Variants in FAM13A observed in about 807,000 individuals in gnomAD.
FAM13A encodes the protein protein FAM13A.
FAM13A carries 76 observed loss-of-function variants against 129.6 expected under a neutral mutation model. The observed-to-expected ratio is 0.59, with a 90% CI of 0.49 to 0.71. The LOEUF is 0.71. FAM13A is among the 30% of genes least tolerant of loss of function. The pLI is 0.00. For missense variants in FAM13A, 1,108 were observed against 1,249.3 expected, an observed-to-expected ratio of 0.89 and a Z score of 1.70; for synonymous variants, 443 against 449.9, an observed-to-expected ratio of 0.98 and a Z score of 0.20.
chr4:88,766,233 A>T (rs1208171887), intron 13 of FAM13A, among the ~76,000 whole-genome samples: 1 of 152,244 alleles, frequency 6.6e-6, no homozygotes, highest in Non-Finnish European at 1.5e-5. Flanking sequence ...GAGCAGAGGA[A>T]GATGGCAGTG....
At chr4:88,990,010 C>T (rs944632803) in intron 4 of FAM13A, 11 of 152,088 alleles carry the variant, frequency 7.2e-5, no homozygotes, top group African/African-American at 2.2e-4. Flanking sequence ...ATTAGTGGAT[C>T]CTGCATCTGA....
chr4:88,818,140 C>T (rs1046430552), intron 7 of FAM13A, among the ~76,000 whole-genome samples: 1 of 137,764 alleles, frequency 7.3e-6, no homozygotes, highest in East Asian at 2.3e-4. Context: ...CATGCCAGCA[C>T]GCCCAGATAA....
At chr4:89,015,132 G>A (rs1766301827) in intron 3 of FAM13A, among the ~76,000 whole-genome samples, 2 of 152,216 alleles carry the variant, frequency 1.3e-5, no homozygotes, top group South Asian at 4.1e-4. Flanking sequence ...CTATTAGGAC[G>A]AGGAAATTTT....
At chr4:88,759,185 G>C (rs1047818208) in intron 13 of FAM13A, 1 of 324,662 alleles carries the variant, frequency 3.1e-6, no homozygotes, top group African/African-American at 2.1e-5. Flanking sequence ...CCAGGAATGA[G>C]GGAAAGGAGT....
chr4:88,764,520 C>T (rs1745380237), intron 13 of FAM13A, among the ~76,000 whole-genome samples: 1 of 152,040 alleles, frequency 6.6e-6, no homozygotes, highest in Non-Finnish European at 1.5e-5. Context: ...GCATAAACTC[C>T]CTTGGAAACA....
At position 88,726,381 on chromosome 4, in the gene FAM13A, G is replaced by GTT. The variant is rs1736479064; in HGVS notation, c.*2150_*2151dup. 1 of 148,600 alleles carries GTT rather than the reference G, an allele frequency of 6.7e-6. No individual in the cohort carries two copies. Among genetic ancestry groups the GTT allele is most frequent in the Non-Finnish European group, 1.5e-5 (1 of 67,318 alleles). 9.2% of individuals were successfully genotyped at this position (148,600 alleles called of 1,614,324 possible). A position where few individuals can be genotyped will look rare whatever the true frequency, so the allele number is the denominator to read the frequency against. On this transcript the variant is annotated 3_prime_UTR_variant, in exon 24 of 24. Coordinates refer to ENST00000264344, the MANE Select transcript of FAM13A (RefSeq NM_014883.4). ...ATTTATTTTATATAACTTACTTGGT[G>GTT]TTTTCTTTTATTGAATCATACAAAT...
At chr4:88,912,875 G>A (rs1228414695) in intron 5 of FAM13A, among the ~76,000 whole-genome samples, 1 of 152,120 alleles carries the variant, frequency 6.6e-6, no homozygotes, top group African/African-American at 2.4e-5. Flanking sequence ...TAGATACTCA[G>A]GAGGCTGAGG....
chr4:88,981,826 T>G (rs1483071262), intron 4 of FAM13A, among the ~76,000 whole-genome samples: 5 of 151,994 alleles, frequency 3.3e-5, no homozygotes, highest in Non-Finnish European at 7.4e-5. Context: ...AAGAAATGTG[T>G]TCCATGGGAA....
chr4:89,021,559 T>G (rs991833777), intron 2 of FAM13A, among the ~76,000 whole-genome samples: 1 of 152,042 alleles, frequency 6.6e-6, no homozygotes, highest in African/African-American at 2.4e-5. Context: ...GGTCAAAGAA[T>G]GATGGGATAA....
At chr4:89,056,789 A>T in intron 1 of FAM13A, 149 bp downstream of exon 1, 1 of 743,000 alleles carries the variant, frequency 1.3e-6, no homozygotes, top group Non-Finnish European at 2.2e-6. Context: ...ATACCCATTT[A>T]AGTAGATAGG....
chr4:88,897,650 T>C (rs1746581148), intron 6 of FAM13A, among the ~76,000 whole-genome samples: 1 of 152,130 alleles, frequency 6.6e-6, no homozygotes, highest in South Asian at 2.1e-4. Context: ...AAGACAGCAA[T>C]GGAGGCCAAA....
rs541081050 is a variant in FAM13A at position 88,856,715 on chromosome 4, A to G, written c.844-5532T>C. Among the ~76,000 whole-genome samples the G allele has an allele frequency of 2.0e-5, 3 of 152,342 alleles. No homozygotes were observed. In the East Asian group the frequency reaches 5.8e-4, roughly 29 times the overall value. On this transcript the variant is annotated intron_variant, in intron 6 of 23. Transcript: ENST00000264344. ...CTTTTAACACTTAGATTTTCTCAAG[A>G]AAGTTAACCAGTCCTCCTCATTCTC...
intron 6 of FAM13A, among the ~76,000 whole-genome samples, chr4:88,905,956 G>A (rs1363285613): frequency 6.6e-6 from 1 of 152,140 alleles, no homozygotes; most frequent in African/African-American, 2.4e-5. Flanking sequence ...AGGGCTGAAG[G>A]AAATGCAATC....
intron 3 of FAM13A, among the ~76,000 whole-genome samples, chr4:89,003,029 T>A (rs1479952350): frequency 6.6e-6 from 1 of 152,058 alleles, no homozygotes; most frequent in Non-Finnish European, 1.5e-5. Flanking sequence ...CAAGAAAATT[T>A]CCAAGATCAA....
chr4:88,865,473 CA>C (rs778982413), intron 6 of FAM13A, among the ~76,000 whole-genome samples: 3 of 152,056 alleles, frequency 2.0e-5, no homozygotes, highest in African/African-American at 4.8e-5. Context: ...AAAATAGGCC[CA>C]AAAGAATACA....
chr4:88,737,710 A>G (rs1028192326), intron 20 of FAM13A, 155 bp from the exon 21 acceptor site: 1 of 673,632 alleles, frequency 1.5e-6, no homozygotes, highest in Non-Finnish European at 2.6e-6. Flanking sequence ...TGAAACAACA[A>G]AAGTTCTTTT....
chr4:88,836,890 G>A (rs1464245759), intron 7 of FAM13A, among the ~76,000 whole-genome samples: 1 of 151,930 alleles, frequency 6.6e-6, no homozygotes, highest in Non-Finnish European at 1.5e-5. Flanking sequence ...AACCCGGGAG[G>A]TGGAGGTTGC....
chr4:88,731,307 T>TGGGGG lies in FAM13A; in HGVS notation c.2945+15_2945+19dup. The TGGGGG allele has an allele frequency of 1.0e-6, 1 of 990,754 alleles. No homozygotes were observed. The allele number at this position is 990,754 out of a possible 1,614,324, so 61.4% of individuals were successfully genotyped here. A position where few individuals can be genotyped will look rare whatever the true frequency, so the allele number is the denominator to read the frequency against. Reference sequence around the variant, plus strand: ...TGGTGCGGCGGGGGGGAAGGGAGGGTGGGGGAAGACAGGCACTACCTTCCA... The same window carrying TGGGGG: ...TGGTGCGGCGGGGGGGAAGGGAGGGTGGGGGGGGGGAAGACAGGCACTACCTTCCA... On this transcript the variant is annotated intron_variant, in intron 23 of 23. Transcript: ENST00000264344.
intron 7 of FAM13A, among the ~76,000 whole-genome samples, chr4:88,820,972 C>A (rs999851893): frequency 6.6e-6 from 1 of 152,136 alleles, no homozygotes; most frequent in East Asian, 1.9e-4. Context: ...TGGAACAAAG[C>A]ACTCCTTCCA....
Sources: gnomAD v4.1 joint callset for allele counts (sites outside exome capture counted in the v4.1 genomes callset) on GRCh38, gnomAD v4.1.1 for gene constraint, MANE v1.5 for transcripts, NCBI Gene and HGNC (gene_info 2026-07-23, HGNC 2026-07-21) for gene names.